RORA: variants seen among roughly 807,000 people sequenced by gnomAD.
The protein encoded by RORA is RAR related orphan receptor A.
RORA carries 7 observed loss-of-function variants against 69.5 expected under a neutral mutation model. That is an observed-to-expected ratio of 0.10 (90% CI 0.06 to 0.19). RORA has a LOEUF of 0.19. Among genes scored for constraint, RORA ranks in the 10% least tolerant of loss-of-function variants. RORA has a pLI of 1.00. For synonymous variants in RORA, 261 were observed against 240.8 expected, an observed-to-expected ratio of 1.08 and a Z score of -0.78; for missense variants, 457 against 663.0, an observed-to-expected ratio of 0.69 and a Z score of 3.41.
intron 1 of RORA, among the ~76,000 whole-genome samples, chr15:61,075,195 C>G (rs2078431293): frequency 6.6e-6 from 1 of 152,068 alleles, no homozygotes; most frequent in Non-Finnish European, 1.5e-5. Flanking sequence ...AGGTATTTCT[C>G]TTGTTACAGG....
At chr15:60,996,818 G>A (rs906828682) in intron 1 of RORA, among the ~76,000 whole-genome samples, 1 of 152,074 alleles carries the variant, frequency 6.6e-6, no homozygotes, top group East Asian at 1.9e-4. Flanking sequence ...GCTGAAGCAG[G>A]AGAATGGTGT....
At chr15:61,119,193 C>T (rs547592362) in intron 1 of RORA, among the ~76,000 whole-genome samples, 1 of 151,622 alleles carries the variant, frequency 6.6e-6, no homozygotes, top group African/African-American at 2.4e-5. Flanking sequence ...GCAACTTTCG[C>T]TTTTTTGGTT....
chr15:60,853,043 T>A (rs1273213206), intron 1 of RORA, among the ~76,000 whole-genome samples: 1 of 152,152 alleles, frequency 6.6e-6, no homozygotes, highest in Non-Finnish European at 1.5e-5. Flanking sequence ...CAGCTTGGCA[T>A]TGAGAGCATT....
At chr15:61,037,382 G>C (rs917490877) in intron 1 of RORA, among the ~76,000 whole-genome samples, 1 of 152,080 alleles carries the variant, frequency 6.6e-6, no homozygotes, top group Non-Finnish European at 1.5e-5. Flanking sequence ...TCCTTATTAG[G>C]TATCCTCCCA....
chr15:61,098,155 CCCTT>C (rs1422830011), intron 1 of RORA, among the ~76,000 whole-genome samples: 64 of 87,042 alleles, frequency 7.4e-4, no homozygotes, highest in African/African-American at 2.1e-3. Flanking sequence ...TTCCCTCCCT[CCCTT>C]CCTTCCTTTC....
chr15:61,038,099 T>A (rs1896554997), intron 1 of RORA, among the ~76,000 whole-genome samples: 1 of 152,218 alleles, frequency 6.6e-6, no homozygotes, highest in African/African-American at 2.4e-5. Context: ...ATTATTCTGA[T>A]CTTCTTCAAA....
chr15:60,963,259 A>T (rs1893463222), intron 1 of RORA, among the ~76,000 whole-genome samples: 1 of 152,232 alleles, frequency 6.6e-6, no homozygotes. Context: ...TGTGCTCTTA[A>T]CTGCTCAAAG....
At chr15:61,142,188 T>A (rs909288275) in intron 1 of RORA, among the ~76,000 whole-genome samples, 2 of 152,194 alleles carry the variant, frequency 1.3e-5, no homozygotes, top group Non-Finnish European at 2.9e-5. Flanking sequence ...TCTCTAGGAT[T>A]TTTCTGTGGA....
chr15:61,050,933 A>G (rs1436955850), intron 1 of RORA, among the ~76,000 whole-genome samples: 3 of 152,264 alleles, frequency 2.0e-5, no homozygotes, highest in Non-Finnish European at 4.4e-5. Flanking sequence ...TCTGTTGGTC[A>G]GCTAACCACC....
intron 1 of RORA, among the ~76,000 whole-genome samples, chr15:61,141,454 T>C (rs915782556): frequency 2.0e-5 from 3 of 151,734 alleles, no homozygotes; most frequent in East Asian, 3.9e-4. Flanking sequence ...CAAAAGAAAA[T>C]CTAGAAAAGT....
intron 2 of RORA, among the ~76,000 whole-genome samples, chr15:60,603,579 C>G (rs1481404969): frequency 6.6e-6 from 1 of 152,198 alleles, no homozygotes; most frequent in Non-Finnish European, 1.5e-5. Context: ...GTGCTCATAA[C>G]TTTTTTGTCA....
intron 1 of RORA, among the ~76,000 whole-genome samples, chr15:60,770,288 T>C (rs1031236807): frequency 6.6e-6 from 1 of 152,236 alleles, no homozygotes; most frequent in Non-Finnish European, 1.5e-5. Context: ...ATTATGTTTT[T>C]AATGTTGTGC....
In RORA at chr15:60,777,902, C is replaced by T. The variant is rs147075655; in HGVS notation, c.167-99216G>A. Among the ~76,000 whole-genome samples, 113 of 152,314 alleles carry T rather than the reference C, an allele frequency of 7.4e-4. 1 individual carries two copies. The Middle Eastern group carries it at 0.01, about 14-fold the overall frequency. ...GCATCACAGCAATGTAAGTGGGTTACGGTTGCCTCACAAAAGCACATCTGG... is the reference window on the plus strand; with the variant it reads ...GCATCACAGCAATGTAAGTGGGTTATGGTTGCCTCACAAAAGCACATCTGG... On this transcript the variant is annotated intron_variant, in intron 1 of 10. Coordinates refer to ENST00000335670, the MANE Select transcript of RORA (RefSeq NM_134261.3).
At chr15:61,215,362 C>CA (rs1323988873) in intron 1 of RORA, among the ~76,000 whole-genome samples, 3 of 152,068 alleles carry the variant, frequency 2.0e-5, no homozygotes, top group African/African-American at 7.2e-5. Context: ...AGATAAATGA[C>CA]AAAATAAAAT....
chr15:61,080,630 G>A (rs1015502203), intron 1 of RORA, among the ~76,000 whole-genome samples: 3 of 152,200 alleles, frequency 2.0e-5, no homozygotes, highest in Admixed American at 2.0e-4. Flanking sequence ...AGGAATGGCT[G>A]CAGTGTCACT....
At position 60,730,407 on chromosome 15, in the gene RORA, T is replaced by C. The variant is rs192134507; in HGVS notation, c.167-51721A>G. 1.5e-4 allele frequency among the ~76,000 whole-genome samples: 23 copies of C among 152,360 alleles called. No homozygotes were observed. In the East Asian group the frequency reaches 3.5e-3, roughly 23 times the overall value. ...CCTGATTTCTTTTGTGGTTGTCTTA[T>C]CGTTCAATTAATTTAAACCAACCAT... On this transcript the variant is annotated intron_variant, in intron 1 of 10. Coordinates refer to ENST00000335670, the MANE Select transcript of RORA (RefSeq NM_134261.3).
In RORA at chr15:60,499,872, T is replaced by C; in HGVS notation, c.1407+20A>G. On this transcript the variant is annotated intron_variant, in intron 10 of 10. Coordinates refer to ENST00000335670, the MANE Select transcript of RORA (RefSeq NM_134261.3). ...AGGGGATAGTTCAGGCCATGCCAACTAGAAGCCTTTGGCACTCACCTTTGT... is the reference window on the plus strand; with the variant it reads ...AGGGGATAGTTCAGGCCATGCCAACCAGAAGCCTTTGGCACTCACCTTTGT... The C allele has an allele frequency of 7.1e-7, 1 of 1,414,100 alleles. No individual in the cohort carries two copies. The highest frequency in any genetic ancestry group is 1.2e-5 in the South Asian group (1 of 85,562). The allele number at this position is 1,414,100 out of a possible 1,614,324, so 87.6% of individuals were successfully genotyped here. A position where few individuals can be genotyped will look rare whatever the true frequency, so the allele number is the denominator to read the frequency against.
At chr15:60,760,851 G>C (rs931426759) in intron 1 of RORA, among the ~76,000 whole-genome samples, 3 of 149,960 alleles carry the variant, frequency 2.0e-5, no homozygotes, top group South Asian at 2.1e-4. Context: ...CATGCAGACA[G>C]ACACACACAC....
At chr15:60,540,262 G>A (rs1040182865) in intron 2 of RORA, among the ~76,000 whole-genome samples, 3 of 152,164 alleles carry the variant, frequency 2.0e-5, no homozygotes, top group African/African-American at 7.2e-5. Context: ...ACAGCTGAGA[G>A]CACTGGGGTC....
Sources: allele counts gnomAD v4.1 joint callset (sites outside exome capture counted in the v4.1 genomes callset), GRCh38; gene constraint gnomAD v4.1.1; transcripts MANE v1.5; gene names NCBI Gene and HGNC (gene_info 2026-07-23, HGNC 2026-07-21).